Variants in MYL12B observed in about 807,000 individuals in gnomAD.
MYL12B encodes the protein myosin light chain 12B.
A neutral mutation model predicts 12.9 loss-of-function variants in MYL12B; 3 were observed. The observed-to-expected ratio is 0.23, with a 90% CI of 0.11 to 0.60. MYL12B has a LOEUF of 0.60. Ranked by LOEUF, MYL12B falls within the 20% of genes least tolerant of loss-of-function variation. The pLI, the probability that MYL12B is intolerant of heterozygous loss-of-function variation, is 0.89. For synonymous variants in MYL12B, 57 were observed against 71.9 expected (o/e 0.79, Z 1.05); for missense variants, 120 against 215.4 (o/e 0.56, Z 2.77).
At chr18:3,274,656 A>G (rs2144363842) in intron 2 of MYL12B, among the ~76,000 whole-genome samples, 1 of 152,358 alleles carries the variant, frequency 6.6e-6, no homozygotes, top group South Asian at 2.1e-4. Context: ...TGGTTGAAGT[A>G]TGGCTGCTGA....
chr18:3,267,879 G>A (rs1323672001), intron 1 of MYL12B, among the ~76,000 whole-genome samples: 1 of 152,178 alleles, frequency 6.6e-6, no homozygotes, highest in Non-Finnish European at 1.5e-5. Flanking sequence ...AAATGGCATA[G>A]TATTTGCATA....
At chr18:3,272,160 G>A (rs972187397) in intron 1 of MYL12B, 5 of 858,068 alleles carry the variant, frequency 5.8e-6, no homozygotes, top group Non-Finnish European at 6.5e-6. Context: ...TTATAAAGAT[G>A]AGACCTTTTT....
At chr18:3,267,704 ATTG>A (rs2081644734) in intron 1 of MYL12B, among the ~76,000 whole-genome samples, 2 of 152,026 alleles carry the variant, frequency 1.3e-5, no homozygotes, top group South Asian at 2.1e-4. Flanking sequence ...CTATTTTATT[ATTG>A]TTAATCTCTT....
chr18:3,262,688 C>CCTGT (rs1452955057), intron 1 of MYL12B: 1 of 152,306 alleles, frequency 6.6e-6, no homozygotes, highest in African/African-American at 2.4e-5. Flanking sequence ...GAGCACCTGC[C>CCTGT]CTGTGCCCAA....
At chr18:3,268,705 A>T (rs1213368879) in intron 1 of MYL12B, among the ~76,000 whole-genome samples, 2 of 152,240 alleles carry the variant, frequency 1.3e-5, no homozygotes, top group African/African-American at 4.8e-5. Flanking sequence ...GTTTTAAAAA[A>T]TTTTGTGCTG....
intron 2 of MYL12B, chr18:3,276,716 C>CA: frequency 3.9e-6 from 1 of 254,346 alleles, no homozygotes; most frequent in Non-Finnish European, 4.4e-6. Context: ...TGAACTGACT[C>CA]CCCGATGGAC....
At position 3,278,094 on chromosome 18, in the gene MYL12B, C is replaced by A; in HGVS notation, c.*157C>A. 1 of 842,440 alleles carries A rather than the reference C, an allele frequency of 1.2e-6. No individual in the cohort carries two copies. Among genetic ancestry groups the A allele is most frequent in the Non-Finnish European group, 1.8e-6 (1 of 560,202 alleles). The allele number at this position is 842,440 out of a possible 1,614,324, so 52.2% of individuals were successfully genotyped here. A position where few individuals can be genotyped will look rare whatever the true frequency, so the allele number is the denominator to read the frequency against. On this transcript the variant is annotated 3_prime_UTR_variant, in exon 4 of 4. Coordinates refer to ENST00000237500, the MANE Select transcript of MYL12B (RefSeq NM_033546.4). The stretch of plus-strand genomic sequence containing the variant: ...TATTCCAGACCTTTCTGCCACTTAG[C>A]ACTTGTATAATCAGACTGGAAATGG...
chr18:3,265,923 C>T (rs1193786489), intron 1 of MYL12B, among the ~76,000 whole-genome samples: 3 of 152,122 alleles, frequency 2.0e-5, no homozygotes, highest in Admixed American at 2.0e-4. Flanking sequence ...CTTTTCTGTT[C>T]AGAAATGGAA....
chr18:3,267,912 A>G (rs1397659753), intron 1 of MYL12B, among the ~76,000 whole-genome samples: 1 of 152,250 alleles, frequency 6.6e-6, no homozygotes, highest in Non-Finnish European at 1.5e-5. Flanking sequence ...ATCCTCCTGA[A>G]TACTTTAAAT....
At chr18:3,262,464 C>T (rs1444637946) in intron 1 of MYL12B, 2 of 152,328 alleles carry the variant, frequency 1.3e-5, no homozygotes, top group Admixed American at 6.5e-5. Flanking sequence ...CGTCCAGGGG[C>T]CGGGAGGCTG....
At chr18:3,268,164 G>A (rs568387321) in intron 1 of MYL12B, among the ~76,000 whole-genome samples, 4 of 152,178 alleles carry the variant, frequency 2.6e-5, no homozygotes, top group Non-Finnish European at 5.9e-5. Flanking sequence ...GATAAGGAGG[G>A]ACTGCTGTAT....
intron 2 of MYL12B, among the ~76,000 whole-genome samples, chr18:3,274,187 T>C (rs2081708802): frequency 6.6e-6 from 1 of 152,204 alleles, no homozygotes; most frequent in Non-Finnish European, 1.5e-5. Context: ...TGTCTGAGTA[T>C]GTTCTTGGGC....
chr18:3,270,581 A>G (rs766189375), intron 1 of MYL12B, among the ~76,000 whole-genome samples: 4 of 152,140 alleles, frequency 2.6e-5, no homozygotes. Flanking sequence ...CTTCTTAGAG[A>G]ACTCGGACTA....
chr18:3,264,769 G>A (rs1380739427), intron 1 of MYL12B, among the ~76,000 whole-genome samples: 1 of 152,140 alleles, frequency 6.6e-6, no homozygotes, highest in Non-Finnish European at 1.5e-5. Context: ...TTTATAAGAA[G>A]TTCAAAAACA....
chr18:3,269,303 G>A lies in MYL12B; in HGVS notation c.-15-3581G>A, dbSNP rs561736905. ...AACTAAGGGTAGTTTTGAGAGAGCC[G>A]AGAGGCAAGGGGATAGTGAAGAGGC... On this transcript the variant is annotated intron_variant, in intron 1 of 3. Coordinates refer to ENST00000237500, the MANE Select transcript of MYL12B (RefSeq NM_033546.4). Among the ~76,000 whole-genome samples the A allele has an allele frequency of 5.7e-4, 86 of 150,708 alleles. 1 individual carries two copies. The highest frequency in any genetic ancestry group is 1.6e-3 in the African/African-American group (66 of 41,472).
chr18:3,273,637 A>T (rs2081701663), intron 2 of MYL12B, among the ~76,000 whole-genome samples: 1 of 152,186 alleles, frequency 6.6e-6, no homozygotes, highest in Admixed American at 6.5e-5. Context: ...TGATTTTGTT[A>T]TTGTTTCTTA....
rs749609382 is a variant in MYL12B at position 3,277,455 on chromosome 18, T to C, written c.346+41T>C. ...TTATGCCCAGCCTCATTCCACACTA[T>C]ATAAAGTACTTCTGTGAAATAGAAG... is the stretch of plus-strand genomic sequence containing the variant. On this transcript the variant is annotated intron_variant, in intron 3 of 3. Transcript: ENST00000237500. 1.1e-5 allele frequency: 17 copies of C among 1,579,344 alleles called. No homozygotes were observed. In the Admixed American group the frequency reaches 2.9e-4, roughly 27 times the overall value.
chr18:3,272,745 C>T (rs894660483), intron 1 of MYL12B, 139 bp from the exon 2 acceptor site: 7 of 758,674 alleles, frequency 9.2e-6, no homozygotes, highest in African/African-American at 3.5e-5. Flanking sequence ...AGTTTAGGTG[C>T]ATACTTATTC....
chr18:3,277,578 A>G (rs1161799158), intron 3 of MYL12B, among the ~76,000 whole-genome samples, 164 bp downstream of exon 3: 1 of 152,266 alleles, frequency 6.6e-6, no homozygotes, highest in Admixed American at 6.5e-5. Flanking sequence ...ATCTAATATT[A>G]ACACAGAACT....
Sources: allele counts gnomAD v4.1 joint callset (sites outside exome capture counted in the v4.1 genomes callset), GRCh38; gene constraint gnomAD v4.1.1; transcripts MANE v1.5; gene names NCBI Gene and HGNC (gene_info 2026-07-23, HGNC 2026-07-21).